The following DLC1 variants were observed in gnomAD, a reference collection of about 807,000 sequenced individuals.
DLC1 encodes rho GTPase-activating protein 7.
A neutral mutation model predicts 140.3 loss-of-function variants in DLC1; 54 were observed. The observed-to-expected ratio is 0.38, with a 90% confidence interval of 0.31 to 0.48. DLC1 has a LOEUF of 0.48. DLC1 is among the 20% of genes least tolerant of loss of function. The pLI is 0.96. For synonymous variants in DLC1, 986 were observed against 728.1 expected, an observed-to-expected ratio of 1.35 and a Z score of -5.70; for missense variants, 2,536 against 1,907.0, an observed-to-expected ratio of 1.33 and a Z score of -6.14.
intron 5 of DLC1, among the ~76,000 whole-genome samples, chr8:13,184,705 G>C (rs528252173): frequency 1.8e-4 from 27 of 152,280 alleles, no homozygotes; most frequent in African/African-American, 6.0e-4. Flanking sequence ...GCTGAGGAGT[G>C]CTTTACTTCC....
intron 2 of DLC1, among the ~76,000 whole-genome samples, chr8:13,405,649 A>T (rs1051232105): frequency 6.6e-6 from 1 of 152,106 alleles, no homozygotes; most frequent in Non-Finnish European, 1.5e-5. Context: ...TTTTATGCCC[A>T]CTTGGGTATC....
At chr8:13,126,517 AGATT>A (rs1455509260) in intron 5 of DLC1, among the ~76,000 whole-genome samples, 1 of 152,224 alleles carries the variant, frequency 6.6e-6, no homozygotes, top group African/African-American at 2.4e-5. Context: ...ATAACTGCAT[AGATT>A]AAGAATTTCA....
At chr8:13,115,375 G>A (rs1049126471) in intron 6 of DLC1, among the ~76,000 whole-genome samples, 1 of 152,156 alleles carries the variant, frequency 6.6e-6, no homozygotes, top group African/African-American at 2.4e-5. Flanking sequence ...GGTAGGGAGT[G>A]GCAGGCAGCA....
intron 5 of DLC1, among the ~76,000 whole-genome samples, chr8:13,191,368 G>C (rs765061320): frequency 2.0e-5 from 3 of 152,148 alleles, no homozygotes; most frequent in African/African-American, 7.2e-5. Flanking sequence ...TCAACCAGGC[G>C]TGGTGGCCTG....
At chr8:13,237,627 C>A in intron 5 of DLC1, among the ~76,000 whole-genome samples, 1 of 152,054 alleles carries the variant, frequency 6.6e-6, no homozygotes, top group East Asian at 1.9e-4. Context: ...ACCTCCCCAC[C>A]TGAGTCCCCA....
At chr8:13,578,365 T>A (rs577528024) in intron 1 of DLC1, among the ~76,000 whole-genome samples, 2 of 152,242 alleles carry the variant, frequency 1.3e-5, no homozygotes, top group African/African-American at 4.8e-5. Context: ...ACACAGTCAC[T>A]CAACATTTAT....
chr8:13,222,547 C>T (rs1031881275), intron 5 of DLC1, among the ~76,000 whole-genome samples: 51 of 152,224 alleles, frequency 3.4e-4, no homozygotes, highest in African/African-American at 1.2e-3. Flanking sequence ...ATTCTGTTTG[C>T]TAAAATTTCA....
chr8:13,393,522 T>C (rs1021847276), intron 4 of DLC1, 31 bp downstream of exon 4: 5 of 1,603,060 alleles, frequency 3.1e-6, no homozygotes, highest in Non-Finnish European at 4.3e-6. Context: ...CATTTACACG[T>C]AGAGACTCTC....
intron 4 of DLC1, among the ~76,000 whole-genome samples, chr8:13,359,823 A>G (rs1398766666): frequency 6.6e-6 from 1 of 152,228 alleles, no homozygotes; most frequent in African/African-American, 2.4e-5. Flanking sequence ...ATGAGATGTG[A>G]TTGTAACTTT....
At chr8:13,140,908 C>G (rs1585749207) in intron 5 of DLC1, among the ~76,000 whole-genome samples, 1 of 152,124 alleles carries the variant, frequency 6.6e-6, no homozygotes, top group South Asian at 2.1e-4. Context: ...TCTTATTTTT[C>G]TCTCTCCCCT....
Position 13,499,144 on chromosome 8 carries a change from C to G in DLC1, c.928G>C (p.Val310Leu), listed in dbSNP as rs758662902. ...SQHQNKSPPK[V>L]KAEDGMQCLQ... ...CACTGCATGCCATCTTCTGCCTTGACCTTTGGTGGACTTTTGTTTTGATGT... is the reference window on the plus strand; with the variant it reads ...CACTGCATGCCATCTTCTGCCTTGAGCTTTGGTGGACTTTTGTTTTGATGT... Residue 310 changes from valine (V) to leucine (L), a missense_variant, in exon 2 of 18, where the codon GTC (valine) becomes CTC (leucine). Coordinates refer to ENST00000276297, the MANE Select transcript of DLC1 (RefSeq NM_182643.3). 1 of 1,614,164 alleles carries G rather than the reference C, an allele frequency of 6.2e-7. No homozygotes were observed. Among genetic ancestry groups the G allele is most frequent in the Non-Finnish European group, 8.5e-7 (1 of 1,180,006 alleles).
chr8:13,435,505 G>C (rs569050888), intron 2 of DLC1, among the ~76,000 whole-genome samples: 1 of 151,866 alleles, frequency 6.6e-6, no homozygotes, highest in East Asian at 1.9e-4. Flanking sequence ...GTAGAGATGG[G>C]GTTTCTCCAT....
intron 1 of DLC1, among the ~76,000 whole-genome samples, chr8:13,523,750 C>A (rs1248025976): frequency 6.6e-6 from 1 of 151,886 alleles, no homozygotes. Flanking sequence ...AGATTGGAGA[C>A]ACAAATAAAG....
chr8:13,377,220 T>C (rs142281661), intron 4 of DLC1, among the ~76,000 whole-genome samples: 1 of 152,206 alleles, frequency 6.6e-6, no homozygotes, highest in South Asian at 2.1e-4. Flanking sequence ...GACTGACACA[T>C]AAGATTTCCA....
At chr8:13,533,465 A>G (rs1169832467) in intron 1 of DLC1, among the ~76,000 whole-genome samples, 2 of 152,190 alleles carry the variant, frequency 1.3e-5, no homozygotes, top group Admixed American at 6.5e-5. Flanking sequence ...GAGGGACTCA[A>G]TATGAACTAC....
chr8:13,373,907 C>T (rs1835842195), intron 4 of DLC1, among the ~76,000 whole-genome samples: 1 of 152,074 alleles, frequency 6.6e-6, no homozygotes, highest in African/African-American at 2.4e-5. Context: ...ATAAAATATT[C>T]ATAATGTTAA....
chr8:13,542,267 T>C (rs763895618), intron 1 of DLC1, among the ~76,000 whole-genome samples: 2 of 152,240 alleles, frequency 1.3e-5, no homozygotes, highest in South Asian at 4.1e-4. Flanking sequence ...TTTATGCCTA[T>C]GTATGTACAA....
intron 5 of DLC1, among the ~76,000 whole-genome samples, chr8:13,294,138 C>G (rs1831861602): frequency 6.6e-6 from 1 of 152,266 alleles, no homozygotes; most frequent in Admixed American, 6.5e-5. Context: ...CCACTGACCA[C>G]CAATGATCTT....
intron 2 of DLC1, among the ~76,000 whole-genome samples, chr8:13,451,211 T>C (rs1401753140): frequency 6.6e-6 from 1 of 152,066 alleles, no homozygotes; most frequent in Admixed American, 6.5e-5. Flanking sequence ...TTATTGACTA[T>C]TTAAAAAATT....
Sources: allele counts gnomAD v4.1 joint callset (sites outside exome capture counted in the v4.1 genomes callset), GRCh38; gene constraint gnomAD v4.1.1; transcripts MANE v1.5; gene names NCBI Gene and HGNC (gene_info 2026-07-23, HGNC 2026-07-21).